Variants in EIF1AX observed in about 807,000 individuals in gnomAD.
The protein encoded by EIF1AX is eukaryotic translation initiation factor 1A X-linked, also known as eukaryotic translation initiation factor 1A, X-chromosomal.
Under a neutral mutation model 16.1 loss-of-function variants are expected in EIF1AX, and 1 was observed. That is an observed-to-expected ratio of 0.06 (90% CI 0.02 to 0.30). The LOEUF is 0.30. EIF1AX is among the 10% of genes least tolerant of loss of function. The pLI is 1.00. For missense variants in EIF1AX, 11 were observed against 109.1 expected, an observed-to-expected ratio of 0.10 and a Z score of 4.00; for synonymous variants, 32 against 37.3, an observed-to-expected ratio of 0.86 and a Z score of 0.51.
At chrX:20,138,464 T>C in intron 2 of EIF1AX, 75 bp downstream of exon 2, 2 of 867,774 alleles carry the variant, frequency 2.3e-6, no homozygotes, top group East Asian at 3.1e-5. Context: ...CAAGACGCTG[T>C]CTCAAAAAAA....
At chrX:20,140,701 A>G (rs1205362954) in intron 1 of EIF1AX, among the ~76,000 whole-genome samples, 1 of 112,193 alleles carries the variant, frequency 8.9e-6, no homozygotes, top group Non-Finnish European at 1.9e-5. Flanking sequence ...CTTACGGACT[A>G]TGAAGTATGC....
chrX:20,140,852 GTT>G (rs1231473739), intron 1 of EIF1AX, among the ~76,000 whole-genome samples: 1 of 98,278 alleles, frequency 1.0e-5, no homozygotes, highest in Non-Finnish European at 2.1e-5. Flanking sequence ...TTTTGTTTTT[GTT>G]TTTTTTTTTT....
intron 2 of EIF1AX, 44 bp from the exon 3 acceptor site, chrX:20,135,885 T>C: frequency 1.0e-6 from 1 of 953,600 alleles, no homozygotes; most frequent in South Asian, 2.0e-5. Context: ...TGTTCAACTT[T>C]TGATAACAGC....
chrX:20,138,612 A>G lies in EIF1AX; in HGVS notation c.27T>C (p.Gly9=). 2.6e-6 allele frequency: 3 copies of G among 1,168,779 alleles called. No homozygotes were observed. The highest frequency in any genetic ancestry group is 3.5e-6 in the Non-Finnish European group (3 of 865,429). The change falls in exon 2 of 7, where the codon GGT becomes GGC. Residue 9 remains glycine, a synonymous_variant. Coordinates refer to ENST00000379607, the MANE Select transcript of EIF1AX (RefSeq NM_001412.4). MPKNKGKG[G]KNRRRGKNEN... ...CATTCTTACCCCTGCGTCTGTTTTT[A>G]CCTCCTTTACCTGATGGTTTAAAAA...
intron 5 of EIF1AX, 65 bp from the exon 6 acceptor site, chrX:20,130,672 A>G (rs2066998741): frequency 2.9e-6 from 3 of 1,025,402 alleles, no homozygotes; most frequent in Non-Finnish European, 3.9e-6. Context: ...TCATCATAAG[A>G]GCATTCCTTT....
chrX:20,130,028 A>T (rs2066996379), intron 6 of EIF1AX, among the ~76,000 whole-genome samples: 2 of 111,391 alleles, frequency 1.8e-5, no homozygotes, highest in South Asian at 7.6e-4. Context: ...AGGGCCGGGC[A>T]TGGTGGCTCA....
At chrX:20,131,668 C>T (rs1294813881) in intron 5 of EIF1AX, among the ~76,000 whole-genome samples, 1 of 105,406 alleles carries the variant, frequency 9.5e-6, no homozygotes, top group East Asian at 2.9e-4. Context: ...ATTACTTGCC[C>T]TTGCTTCATG....
rs774534184 is a variant in EIF1AX at position 20,133,916 on chromosome X, T to C, written c.255+41A>G. On this transcript the variant is annotated intron_variant, in intron 4 of 6. Coordinates refer to ENST00000379607, the MANE Select transcript of EIF1AX (RefSeq NM_001412.4). ...GCTCTTAAGAAATGGCTCATCAAATTCAAGCCAGTAAAATAGGAAAAATTT... is the reference window on the plus strand; with the variant it reads ...GCTCTTAAGAAATGGCTCATCAAATCCAAGCCAGTAAAATAGGAAAAATTT... The C allele has an allele frequency of 6.5e-6, 7 of 1,069,472 alleles. No individual in the cohort carries two copies. The South Asian group carries it at 8.1e-5, about 12-fold the overall frequency. 88.1% of individuals were successfully genotyped at this position (1,069,472 alleles called of 1,213,427 possible). A position where few individuals can be genotyped will look rare whatever the true frequency, so the allele number is the denominator to read the frequency against.
rs184575628 is a variant in EIF1AX, at chrX:20,124,788, G to A, written c.*3518C>T. ...TTCAAGCAAATGAGAGACTTCATCT[G>A]TTAGTCTTATGCCAAATTAAATGAG... is the stretch of plus-strand genomic sequence containing the variant. On this transcript the variant is annotated 3_prime_UTR_variant, in exon 7 of 7. Coordinates refer to ENST00000379607, the MANE Select transcript of EIF1AX (RefSeq NM_001412.4). 1.2e-4 allele frequency: 18 copies of A among 144,107 alleles called. No individual in the cohort carries two copies. The highest frequency in any genetic ancestry group is 2.1e-4 in the Non-Finnish European group (15 of 72,360). The allele number at this position is 144,107 out of a possible 1,213,427, so 11.9% of individuals were successfully genotyped here.
chrX:20,136,009 A>T (rs1192063507), intron 2 of EIF1AX, 168 bp from the exon 3 acceptor site: 3 of 428,948 alleles, frequency 7.0e-6, no homozygotes, highest in Non-Finnish European at 4.2e-6. Flanking sequence ...AAGTTAGTTA[A>T]CGGCAGAGCT....
chrX:20,141,516 G>T, intron 1 of EIF1AX, 109 bp downstream of exon 1: 1 of 961,838 alleles, frequency 1.0e-6, no homozygotes, highest in Non-Finnish European at 1.4e-6. Flanking sequence ...GGGCAGGCAG[G>T]GCGGGAAGGA....
Position 20,125,182 on chromosome X carries a change from G to A in EIF1AX, c.*3124C>T. 6.4e-6 allele frequency: 1 copy of A among 156,868 alleles called. No individual in the cohort carries two copies. The highest frequency in any genetic ancestry group is 1.3e-5 in the Non-Finnish European group (1 of 79,694). 12.9% of individuals were successfully genotyped at this position (156,868 alleles called of 1,213,427 possible). ...TGGGGGCAAAGGCCCTTTGACCCCA[G>A]GATCCATGCTCTCCCCTCTCCAGTA... On this transcript the variant is annotated 3_prime_UTR_variant, in exon 7 of 7. Coordinates refer to ENST00000379607, the MANE Select transcript of EIF1AX (RefSeq NM_001412.4).
chrX:20,129,695 G>A (rs989203850), intron 6 of EIF1AX, among the ~76,000 whole-genome samples: 1 of 112,079 alleles, frequency 8.9e-6, no homozygotes, highest in African/African-American at 3.2e-5. Context: ...TTTGCCAACA[G>A]TACACACCCA....
chrX:20,138,225 G>A (rs943560661), intron 2 of EIF1AX, among the ~76,000 whole-genome samples: 2 of 108,876 alleles, frequency 1.8e-5, no homozygotes, highest in African/African-American at 6.7e-5. Context: ...GGCTGGTCTC[G>A]AACTCCTGAC....
At chrX:20,134,917 T>C (rs912834699) in intron 3 of EIF1AX, among the ~76,000 whole-genome samples, 1 of 111,628 alleles carries the variant, frequency 9.0e-6, no homozygotes, top group Non-Finnish European at 1.9e-5. Flanking sequence ...GGCAGTCCAT[T>C]CACGATGACA....
chrX:20,141,816 C>T lies in EIF1AX; in HGVS notation c.-176G>A. The T allele has an allele frequency of 2.2e-6, 1 of 449,743 alleles. No individual in the cohort carries two copies. The highest frequency in any genetic ancestry group is 2.6e-5 in the African/African-American group (1 of 38,950). The allele number at this position is 449,743 out of a possible 1,213,427, so 37.1% of individuals were successfully genotyped here. Reference sequence around the variant, plus strand: ...AGCTCTTCAGAGATCCGCCTGCGTCCACGCTCGGCGGCAGCAAATGGCGCC... The same window carrying T: ...AGCTCTTCAGAGATCCGCCTGCGTCTACGCTCGGCGGCAGCAAATGGCGCC... On this transcript the variant is annotated 5_prime_UTR_variant, in exon 1 of 7. Transcript: ENST00000379607.
chrX:20,137,756 C>G (rs2067021732), intron 2 of EIF1AX, among the ~76,000 whole-genome samples: 1 of 111,355 alleles, frequency 9.0e-6, no homozygotes, highest in Non-Finnish European at 1.9e-5. Flanking sequence ...GGGCCTCAGG[C>G]TCATCCTTCA....
rs920647201 is a variant in EIF1AX, at chrX:20,141,619, C to T, written c.16+6G>A. The T allele has an allele frequency of 2.2e-4, 249 of 1,154,725 alleles. No individual in the cohort carries two copies. Among genetic ancestry groups the T allele is most frequent in the Non-Finnish European group, 2.7e-4 (232 of 866,938 alleles). On this transcript the variant is annotated splice_donor_region_variant and intron_variant, in intron 1 of 6. Coordinates refer to ENST00000379607, the MANE Select transcript of EIF1AX (RefSeq NM_001412.4). ...AGCCGTGGTCCGGGGGTCCGGGCGGCATTACCTTTATTCTTGGGCATGGCG... is the reference window on the plus strand; with the variant it reads ...AGCCGTGGTCCGGGGGTCCGGGCGGTATTACCTTTATTCTTGGGCATGGCG...
At chrX:20,134,339 G>C (rs1168629378) in intron 3 of EIF1AX, among the ~76,000 whole-genome samples, 1 of 111,141 alleles carries the variant, frequency 9.0e-6, no homozygotes, top group East Asian at 2.8e-4. Flanking sequence ...AGTGAGCCAA[G>C]ACTGCGCTAC....
Sources: allele counts gnomAD v4.1 joint callset (sites outside exome capture counted in the v4.1 genomes callset), GRCh38; gene constraint gnomAD v4.1.1; transcripts MANE v1.5; gene names NCBI Gene and HGNC (gene_info 2026-07-23, HGNC 2026-07-21).